Variants in KRT9 observed in about 807,000 individuals in gnomAD.
KRT9 encodes keratin, type I cytoskeletal 9.
Under a neutral mutation model 51.4 loss-of-function variants are expected in KRT9, and 34 were observed. The ratio of observed to expected loss-of-function variants is 0.66; its 90% CI spans 0.50 to 0.88. KRT9 has a LOEUF of 0.88. Ranked by LOEUF, KRT9 falls within the 40% of genes least tolerant of loss-of-function variation. The pLI, the probability that KRT9 is intolerant of heterozygous loss-of-function variation, is 0.00. For missense variants in KRT9, 753 were observed against 790.3 expected (o/e 0.95, Z 0.57); for synonymous variants, 292 against 289.7 (o/e 1.01, Z -0.08).
intron 4 of KRT9, 44 bp from the exon 5 acceptor site, chr17:41,568,677 C>T (rs1315932452): frequency 5.0e-6 from 8 of 1,613,766 alleles, no homozygotes; most frequent in Non-Finnish European, 6.8e-6. Context: ...GTGCCAGGAG[C>T]TTCAGTGAGT....
rs752060233 is a variant in KRT9 at position 41,570,168 on chromosome 17, G to C, written c.695C>G (p.Thr232Ser). The C allele has an allele frequency of 6.2e-7, 1 of 1,614,136 alleles. No homozygotes were observed. The highest frequency in any genetic ancestry group is 8.5e-7 in the Non-Finnish European group (1 of 1,180,002). The change falls in exon 2 of 8, where the codon ACT (threonine) becomes AGT (serine). Residue 232 changes from threonine (T) to serine (S), a missense_variant. Physicochemically the swap from Thr to Ser is moderately conservative, Grantham distance 58 (BLOSUM62 1). This residue lies in a region of KRT9 where 507 missense variants were observed against 563.7 expected (regional missense o/e 0.90). Transcript: ENST00000246662. ...CCTGAAGTCATCCAGTGTCATGCGA[G>C]TGTTGTCAATGTCCAGGAGAGTTTT... ...NNKTLLDIDNTRMTLDDFRIK... is the reference protein window; with the variant it reads ...NNKTLLDIDNSRMTLDDFRIK...
chr17:41,567,645 T>G lies in KRT9; in HGVS notation c.1500A>C (p.Gly500=). ...RGGSGGSYGG[G]GSGGGYGGGS... ...CTCCACCATAGCCACCTCCACTTCC[T>G]CCTCCACCATAGCTGCCTCCACTTC... Residue 500 remains glycine (G), a synonymous_variant, in exon 7 of 8, where the codon GGA becomes GGC. Coordinates refer to ENST00000246662, the MANE Select transcript of KRT9 (RefSeq NM_000226.4). The G allele has an allele frequency of 6.2e-7, 1 of 1,600,106 alleles. No individual in the cohort carries two copies. Among genetic ancestry groups the G allele is most frequent in the African/African-American group, 1.3e-5 (1 of 74,578 alleles).
rs776015053 is a variant in KRT9 at position 41,571,745 on chromosome 17, G to A, written c.248C>T (p.Ala83Val). The change falls in exon 1 of 8, where the codon GCC (alanine) becomes GTC (valine). Residue 83 changes from alanine to valine, a missense_variant. Ala to Val is a moderately conservative substitution (Grantham distance 64, BLOSUM62 0). This residue lies in a region of KRT9 where 241 missense variants were observed against 210.3 expected (regional missense o/e 1.15). Coordinates refer to ENST00000246662, the MANE Select transcript of KRT9 (RefSeq NM_000226.4). ...YGGGSGGGFSASSLGGGFGGG... is the reference protein window; with the variant it reads ...YGGGSGGGFSVSSLGGGFGGG... ...CCCAAAGCCACCGCCTAAACTACTG[G>A]CACTAAAACCACCCCCAGATCCTCC... 36 of 1,612,882 alleles carry A rather than the reference G, an allele frequency of 2.2e-5. No homozygotes were observed. The South Asian group carries it at 4.0e-4, about 18-fold the overall frequency.
At chr17:41,571,326 G>T (rs1276032614) in intron 1 of KRT9, 25 bp downstream of exon 1, 1 of 1,594,718 alleles carries the variant, frequency 6.3e-7, no homozygotes, top group Non-Finnish European at 8.6e-7. Flanking sequence ...AAGAGACCAA[G>T]ACAGAGACAG....
In KRT9 at chr17:41,571,569, C is replaced by T. The variant is rs1220777532; in HGVS notation, c.424G>A (p.Gly142Arg). Residue 142 changes from glycine to arginine, a missense_variant, in exon 1 of 8, where the codon GGA becomes AGA. Physicochemically the swap from Gly to Arg is moderately radical, Grantham distance 125. This residue lies in a region of KRT9 where 241 missense variants were observed against 210.3 expected (regional missense o/e 1.15). Transcript: ENST00000246662. ...GGFGGFGGGA[G>R]GGDGGILTAN... Reference sequence around the variant, plus strand: ...GTCAGAATACCACCATCACCTCCTCCAGCACCACCTCCAAAGCCCCCAAAC... The same window carrying T: ...GTCAGAATACCACCATCACCTCCTCTAGCACCACCTCCAAAGCCCCCAAAC... 1.2e-6 allele frequency: 2 copies of T among 1,611,406 alleles called. No individual in the cohort carries two copies. The highest frequency in any genetic ancestry group is 2.7e-5 in the African/African-American group (2 of 74,762).
chr17:41,569,999 T>G lies in KRT9; in HGVS notation c.742A>C (p.Asn248His). The G allele has an allele frequency of 6.2e-7, 1 of 1,614,058 alleles. No individual in the cohort carries two copies. The highest frequency in any genetic ancestry group is 1.1e-5 in the South Asian group (1 of 91,078). Residue 248 changes from asparagine to histidine, a missense_variant, in exon 3 of 8, where the codon AAC becomes CAC. By Grantham distance (68) the Asn-to-His change is moderately conservative. Around this residue, in one of 3 missense-constraint regions of KRT9, gnomAD observed 507 missense variants for 563.7 expected, o/e 0.90. Transcript: ENST00000246662. Reference protein sequence around the residue: ...DFRIKFEMEQNLRQGVDADIN... With the variant: ...DFRIKFEMEQHLRQGVDADIN... The stretch of plus-strand genomic sequence containing the variant: ...TCAGCATCCACTCCTTGCCGCAGGT[T>G]TTGCTCCATCTCAAACCTGCAGACC...
chr17:41,567,677 TG>T lies in KRT9; in HGVS notation c.1467del (p.Arg490GlyfsTer?). 6.2e-7 allele frequency: 1 copy of T among 1,613,074 alleles called. No individual in the cohort carries two copies. The highest frequency in any genetic ancestry group is 8.5e-7 in the Non-Finnish European group (1 of 1,179,478). ...GGSGGSYGRG[S>X]RGGSGGSYGG... ...CCATAGCTGCCTCCACTTCCTCCCCTGGATCCTCTTCCATAACTGCCTCCAC... is the reference window on the plus strand; with the variant it reads ...CCATAGCTGCCTCCACTTCCTCCCCTGATCCTCTTCCATAACTGCCTCCAC... On this transcript the variant is annotated frameshift_variant, in exon 7 of 8. Transcript: ENST00000246662. LOFTEE classifies it high-confidence loss of function.
At position 41,567,594 on chromosome 17, in the gene KRT9, T is replaced by C; in HGVS notation, c.1551A>G (p.Gly517=). Reference sequence around the variant, plus strand: ...AACCACTTCCTCCACCGTAGCTGCCTCCACTTCCTCCCCTGGACCCACTTC... The same window carrying C: ...AACCACTTCCTCCACCGTAGCTGCCCCCACTTCCTCCCCTGGACCCACTTC... ...GGGSGSRGGS[G]GSYGGGSGSG... is the part of the protein sequence containing the mutation. The change falls in exon 7 of 8, where the codon GGA becomes GGG. Residue 517 remains glycine (G), a synonymous_variant. Transcript: ENST00000246662. The C allele has an allele frequency of 1.3e-6, 2 of 1,560,398 alleles. No individual in the cohort carries two copies. The highest frequency in any genetic ancestry group is 2.3e-5 in the South Asian group (2 of 85,234).
Position 41,568,346 on chromosome 17 carries a change from G to C in KRT9, c.1210C>G (p.Arg404Gly). ...ATCATCTGCAGCTGGCCACAGTAGC[G>C]GTTCTTCGTGTCTTCCAAGCTCTTC... ...LEKSLEDTKN[R>G]YCGQLQMIQE... Residue 404 changes from arginine to glycine, a missense_variant, in exon 6 of 8, where the codon CGC becomes GGC. By Grantham distance (125) the Arg-to-Gly change is moderately radical. This residue lies in a region of KRT9 where 507 missense variants were observed against 563.7 expected (regional missense o/e 0.90). Coordinates refer to ENST00000246662, the MANE Select transcript of KRT9 (RefSeq NM_000226.4). The C allele has an allele frequency of 6.2e-7, 1 of 1,614,146 alleles. No individual in the cohort carries two copies. Among genetic ancestry groups the C allele is most frequent in the Non-Finnish European group, 8.5e-7 (1 of 1,180,006 alleles).
At chr17:41,569,403 A>G in intron 4 of KRT9, 23 bp downstream of exon 4, 1 of 1,611,446 alleles carries the variant, frequency 6.2e-7, no homozygotes, top group African/African-American at 1.3e-5. Context: ...GAGGAGGATG[A>G]ATGGGCAGCC....
chr17:41,568,021 C>G (rs537100174), intron 6 of KRT9, 141 bp downstream of exon 6: 152 of 950,710 alleles, frequency 1.6e-4, no homozygotes, highest in Non-Finnish European at 2.2e-4. Flanking sequence ...GAGGTCCCCC[C>G]GGCCCCCAGG....
intron 4 of KRT9, among the ~76,000 whole-genome samples, chr17:41,568,844 T>A (rs543666397): frequency 6.6e-6 from 1 of 151,736 alleles, no homozygotes; most frequent in East Asian, 1.9e-4. Flanking sequence ...GCAAGACCCT[T>A]CACGCTTTGT....
chr17:41,571,682 C>A lies in KRT9; in HGVS notation c.311G>T (p.Gly104Val). 3 of 1,605,600 alleles carry A rather than the reference C, an allele frequency of 1.9e-6. No homozygotes were observed. Among genetic ancestry groups the A allele is most frequent in the Non-Finnish European group, 1.7e-6 (2 of 1,176,110 alleles). The change falls in exon 1 of 8, where the codon GGC (glycine) becomes GTC (valine). Residue 104 changes from glycine (G) to valine (V), a missense_variant. This residue lies in a region of KRT9 where 241 missense variants were observed against 210.3 expected (regional missense o/e 1.15). Transcript: ENST00000246662. ...TCCAAAACCCCCAGAACTACTATAG[C>A]CTCCTCCAGAAGCACCACCAAAACC... The part of the protein sequence containing the change: ...SRGFGGASGG[G>V]YSSSGGFGGG...
Position 41,571,652 on chromosome 17 carries a change from C to T in KRT9, c.341G>A (p.Gly114Asp). ...GYSSSGGFGG[G>D]FGGGSGGGFG... ...GCCACCTCCAGAACCACCACCAAAG[C>T]CACCTCCAAAACCCCCAGAACTACT... Residue 114 changes from glycine to aspartate, a missense_variant, in exon 1 of 8, where the codon GGC becomes GAC. This residue lies in a region of KRT9 where 241 missense variants were observed against 210.3 expected (regional missense o/e 1.15). Coordinates refer to ENST00000246662, the MANE Select transcript of KRT9 (RefSeq NM_000226.4). 1 of 1,604,772 alleles carries T rather than the reference C, an allele frequency of 6.2e-7. No individual in the cohort carries two copies. Among genetic ancestry groups the T allele is most frequent in the Non-Finnish European group, 8.5e-7 (1 of 1,175,412 alleles).
Position 41,571,734 on chromosome 17 carries a change from C to T in KRT9, c.259G>A (p.Gly87Ser). Residue 87 changes from glycine to serine, a missense_variant, in exon 1 of 8, where the codon GGC becomes AGC. Coordinates refer to ENST00000246662, the MANE Select transcript of KRT9 (RefSeq NM_000226.4). ...CTGGAACCACCCCCAAAGCCACCGC[C>T]TAAACTACTGGCACTAAAACCACCC... is the stretch of plus-strand genomic sequence containing the variant. ...SGGGFSASSL[G>S]GGFGGGSRGF... 5 of 1,613,406 alleles carry T rather than the reference C, an allele frequency of 3.1e-6. No homozygotes were observed. Among genetic ancestry groups the T allele is most frequent in the Non-Finnish European group, 4.2e-6 (5 of 1,179,782 alleles).
chr17:41,569,306 A>T (rs998897693), intron 4 of KRT9, 120 bp downstream of exon 4: 38 of 1,017,408 alleles, frequency 3.7e-5, no homozygotes, highest in Non-Finnish European at 3.8e-5. Flanking sequence ...TGGAAGATGG[A>T]TAAATGACAG....
intron 1 of KRT9, among the ~76,000 whole-genome samples, chr17:41,570,751 G>T (rs955252484): frequency 1.3e-5 from 2 of 152,224 alleles, no homozygotes; most frequent in Non-Finnish European, 2.9e-5. Context: ...CAGACCGTGA[G>T]CTCCACCAGA....
chr17:41,567,358 C>A lies in KRT9; in HGVS notation c.1787G>T (p.Ser596Ile). The A allele has an allele frequency of 6.2e-7, 1 of 1,613,122 alleles. No individual in the cohort carries two copies. The highest frequency in any genetic ancestry group is 8.5e-7 in the Non-Finnish European group (1 of 1,179,450). ...TTCACCGCCTCCGTAGCTGCCTCCA[C>A]TTTCACCTCCAAAACCACTTCCTCC... Reference protein sequence around the residue: ...HGGGSGFGGESGGSYGGGEEA... With the variant: ...HGGGSGFGGEIGGSYGGGEEA... Residue 596 changes from serine to isoleucine, a missense_variant, in exon 7 of 8, where the codon AGT becomes ATT. Physicochemically the swap from Ser to Ile is moderately radical, Grantham distance 142. Around this residue, in one of 3 missense-constraint regions of KRT9, gnomAD observed 507 missense variants for 563.7 expected, o/e 0.90. Coordinates refer to ENST00000246662, the MANE Select transcript of KRT9 (RefSeq NM_000226.4).
chr17:41,569,083 C>A (rs1241683389), intron 4 of KRT9, among the ~76,000 whole-genome samples: 1 of 152,218 alleles, frequency 6.6e-6, no homozygotes, highest in African/African-American at 2.4e-5. Flanking sequence ...TATAGTCTTA[C>A]ATTACATAGC....
Sources: gnomAD v4.1 joint callset for allele counts (sites outside exome capture counted in the v4.1 genomes callset) on GRCh38, gnomAD v4.1.1 for gene constraint, gnomAD v4.1.1 regional missense constraint, MANE v1.5 for transcripts, NCBI Gene and HGNC (gene_info 2026-07-23, HGNC 2026-07-21) for gene names.